SAMMSON: variants seen among roughly 807,000 people sequenced by gnomAD.
SAMMSON encodes survival associated mitochondrial melanoma specific oncogenic non-coding RNA.
At chr3:70,341,782 A>C (rs13088875) in intron 7 of SAMMSON, among the ~76,000 whole-genome samples, 93,858 of 151,524 alleles carry the variant, frequency 0.62, 29,445 homozygotes, top group Admixed American at 0.68. Flanking sequence ...AGCATTATGC[A>C]GCAGCAAAGT....
chr3:70,277,715 G>GCT (rs1702041091), intron 6 of SAMMSON, among the ~76,000 whole-genome samples: 1 of 152,138 alleles, frequency 6.6e-6, no homozygotes, highest in Non-Finnish European at 1.5e-5. Context: ...TGCCACCTCA[G>GCT]TCTAAGATTC....
intron 4 of SAMMSON, among the ~76,000 whole-genome samples, chr3:70,217,673 A>G (rs1330926470): frequency 6.6e-6 from 1 of 152,136 alleles, no homozygotes; most frequent in East Asian, 1.9e-4. Context: ...TCACAACTAG[A>G]TTCATTGGTA....
At chr3:70,206,213 C>A (rs1032062965) in intron 4 of SAMMSON, among the ~76,000 whole-genome samples, 5 of 151,932 alleles carry the variant, frequency 3.3e-5, no homozygotes, top group Admixed American at 3.3e-4. Flanking sequence ...TTTCTCTCTG[C>A]CTTCTTTTCT....
intron 2 of SAMMSON, among the ~76,000 whole-genome samples, chr3:70,417,071 G>A (rs572567078): frequency 1.3e-5 from 2 of 152,050 alleles, no homozygotes; most frequent in Admixed American, 6.5e-5. Context: ...CATCTTCTAC[G>A]CAATGTTCCA....
chr3:70,160,323 G>C (rs1472718616), intron 4 of SAMMSON, among the ~76,000 whole-genome samples: 1 of 151,852 alleles, frequency 6.6e-6, no homozygotes, highest in Non-Finnish European at 1.5e-5. Context: ...ATTTGCATGT[G>C]TTGTGAGGTA....
chr3:70,223,486 C>T (rs1175596292), intron 4 of SAMMSON, among the ~76,000 whole-genome samples: 2 of 152,070 alleles, frequency 1.3e-5, no homozygotes, highest in Admixed American at 1.3e-4. Flanking sequence ...CCTTCCTGAG[C>T]AAAAGTTACT....
intron 4 of SAMMSON, among the ~76,000 whole-genome samples, chr3:70,118,032 C>A (rs1175847864): frequency 6.6e-6 from 1 of 152,150 alleles, no homozygotes; most frequent in East Asian, 1.9e-4. Flanking sequence ...ACTCTCCTGC[C>A]TCAGCCTCGC....
At chr3:70,165,541 G>T (rs2067633507) in intron 4 of SAMMSON, among the ~76,000 whole-genome samples, 1 of 151,936 alleles carries the variant, frequency 6.6e-6, no homozygotes, top group East Asian at 1.9e-4. Flanking sequence ...TCAGCCTCCA[G>T]AACCATAAGA....
intron 4 of SAMMSON, among the ~76,000 whole-genome samples, chr3:70,248,235 A>G (rs1701727097): frequency 6.6e-6 from 1 of 152,124 alleles, no homozygotes; most frequent in African/African-American, 2.4e-5. Context: ...AAAACATAGT[A>G]TATTGTATAG....
chr3:70,342,911 T>C (rs959804983), intron 7 of SAMMSON, among the ~76,000 whole-genome samples: 1 of 152,172 alleles, frequency 6.6e-6, no homozygotes, highest in African/African-American at 2.4e-5. Context: ...TATATTATAG[T>C]TGAAGTCATT....
chr3:70,051,215 G>T (rs1425016718), intron 3 of SAMMSON, among the ~76,000 whole-genome samples: 2 of 149,084 alleles, frequency 1.3e-5, no homozygotes, highest in African/African-American at 4.9e-5. Context: ...AAGTATAAAG[G>T]TGAACTTGAA....
chr3:70,287,299 G>T (rs1397263227), intron 6 of SAMMSON, among the ~76,000 whole-genome samples: 2 of 144,694 alleles, frequency 1.4e-5, no homozygotes, highest in East Asian at 2.0e-4. Flanking sequence ...GGCCTTTTCT[G>T]CATCTATTGA....
intron 3 of SAMMSON, among the ~76,000 whole-genome samples, chr3:70,031,819 G>C (rs1021615095): frequency 2.0e-5 from 3 of 152,142 alleles, no homozygotes; most frequent in African/African-American, 7.2e-5. Context: ...GTTTGTAATG[G>C]CAGAGTGGTT....
rs80305175 is a variant in SAMMSON, at chr3:70,422,360, C to T, written n.234-40200C>T. 5.5e-3 allele frequency among the ~76,000 whole-genome samples: 836 copies of T among 151,976 alleles called. 4 individuals are homozygous for T. The highest frequency in any genetic ancestry group is 0.019 in the African/African-American group (778 of 41,500). On this transcript the variant is annotated intron_variant and non_coding_transcript_variant, in intron 2 of 3. Coordinates refer to the SAMMSON transcript ENST00000641053. Reference sequence around the variant, plus strand: ...GAAGAGTGTTATGTTTATTAACTAACGTACATTAGGTAATTTCTTTGCTTT... The same window carrying T: ...GAAGAGTGTTATGTTTATTAACTAATGTACATTAGGTAATTTCTTTGCTTT...
At chr3:70,376,975 C>A (rs764764217) in intron 9 of SAMMSON, among the ~76,000 whole-genome samples, 15 of 151,906 alleles carry the variant, frequency 9.9e-5, no homozygotes, top group Non-Finnish European at 1.9e-4. Flanking sequence ...TTATTCAAAC[C>A]CACTGAAGTA....
At chr3:70,385,214 A>G (rs1055871865) in intron 9 of SAMMSON, among the ~76,000 whole-genome samples, 1 of 152,198 alleles carries the variant, frequency 6.6e-6, no homozygotes, top group Admixed American at 6.6e-5. Flanking sequence ...TGGTAATAAT[A>G]CTTACCTTGT....
intron 7 of SAMMSON, among the ~76,000 whole-genome samples, chr3:70,331,418 G>C (rs535979477): frequency 3.3e-5 from 5 of 152,288 alleles, no homozygotes; most frequent in African/African-American, 1.2e-4. Context: ...CAGAACAAGA[G>C]TTGGGGCCAC....
At position 70,046,415 on chromosome 3, in the gene SAMMSON, T is replaced by C. The variant is rs555964637; in HGVS notation, n.418-25061T>C. On this transcript the variant is annotated intron_variant and non_coding_transcript_variant, in intron 3 of 9. Transcript: ENST00000642114. ...TTAATCCATGAATGCTGCATATTGATTTTGGAAGATTTGCAATGCGGTACA... is the reference window on the plus strand; with the variant it reads ...TTAATCCATGAATGCTGCATATTGACTTTGGAAGATTTGCAATGCGGTACA... Among the ~76,000 whole-genome samples the C allele has an allele frequency of 1.9e-4, 29 of 152,244 alleles. No homozygotes were observed. In the South Asian group the frequency reaches 6.0e-3, roughly 32 times the overall value.
intron 7 of SAMMSON, among the ~76,000 whole-genome samples, chr3:70,292,343 C>G (rs1044577031): frequency 1.3e-5 from 2 of 152,102 alleles, no homozygotes; most frequent in African/African-American, 2.4e-5. Context: ...AGAGCCATTA[C>G]TATACATATC....
Sources: allele counts gnomAD v4.1 joint callset (sites outside exome capture counted in the v4.1 genomes callset), GRCh38; gene constraint gnomAD v4.1.1; transcripts MANE v1.5; gene names NCBI Gene and HGNC (gene_info 2026-07-23, HGNC 2026-07-21).